The following CACNA1C variants were observed in gnomAD, a reference collection of about 807,000 sequenced individuals.
CACNA1C encodes calcium voltage-gated channel subunit alpha1 C.
In CACNA1C, 30 loss-of-function variants were observed where a neutral mutation model predicts 229.0. The ratio of observed to expected loss-of-function variants is 0.13; its 90% CI spans 0.10 to 0.18. CACNA1C has a LOEUF of 0.18. Ranked by LOEUF, CACNA1C falls within the 10% of genes least tolerant of loss-of-function variation. CACNA1C has a pLI of 1.00. For missense variants in CACNA1C, 1,658 were observed against 2,845.0 expected (o/e 0.58, Z 9.49); for synonymous variants, 1,114 against 1,132.5 (o/e 0.98, Z 0.33).
intron 7 of CACNA1C, among the ~76,000 whole-genome samples, chr12:2,501,081 T>C (rs1054691161): frequency 8.0e-4 from 118 of 147,834 alleles, no homozygotes; most frequent in Admixed American, 2.2e-3. Flanking sequence ...TGGTGGCGGG[T>C]GCCTGTAGTC....
At chr12:2,102,635 G>T (rs918524558) in intron 1 of CACNA1C, among the ~76,000 whole-genome samples, 3 of 152,064 alleles carry the variant, frequency 2.0e-5, no homozygotes, top group Non-Finnish European at 4.4e-5. Context: ...TGCAGAATGT[G>T]CTTGTTTGTT....
In CACNA1C at chr12:2,423,620, T is replaced by C. The variant is rs375822638; in HGVS notation, c.478-25356T>C. 2.6e-4 allele frequency among the ~76,000 whole-genome samples: 39 copies of C among 152,160 alleles called. 1 individual carries two copies. In the East Asian group the frequency reaches 4.1e-3, roughly 16 times the overall value. Reference sequence around the variant, plus strand: ...TGGTGGAGGTAGCAATTAACAGCAGTGGTAGTAGTATAGTAGTTACACCCA... The same window carrying C: ...TGGTGGAGGTAGCAATTAACAGCAGCGGTAGTAGTATAGTAGTTACACCCA... On this transcript the variant is annotated intron_variant, in intron 3 of 46. Coordinates refer to ENST00000399655, the MANE Select transcript of CACNA1C (RefSeq NM_000719.7).
At chr12:2,683,744 G>A (rs771234500) in intron 43 of CACNA1C, among the ~76,000 whole-genome samples, 4 of 152,312 alleles carry the variant, frequency 2.6e-5, no homozygotes, top group Admixed American at 6.5e-5. Context: ...TGAGCTGGAG[G>A]GCAGGCATGT....
intron 3 of CACNA1C, among the ~76,000 whole-genome samples, chr12:2,268,002 CT>C (rs756998820): frequency 3.9e-5 from 6 of 152,330 alleles, no homozygotes; most frequent in African/African-American, 9.6e-5. Flanking sequence ...GTTTTTCCCC[CT>C]GTTGTCATCT....
intron 3 of CACNA1C, among the ~76,000 whole-genome samples, chr12:2,235,473 G>A (rs1032228319): frequency 1.3e-5 from 2 of 152,122 alleles, no homozygotes; most frequent in South Asian, 2.1e-4. Context: ...GAAAATCATG[G>A]GTTAGATATT....
intron 3 of CACNA1C, among the ~76,000 whole-genome samples, chr12:2,377,801 C>T (rs956285322): frequency 5.3e-5 from 8 of 152,304 alleles, no homozygotes; most frequent in African/African-American, 1.9e-4. Context: ...AGTGAGTCCG[C>T]CTGGCTCCTG....
chr12:2,317,200 A>T (rs909480401), intron 3 of CACNA1C, among the ~76,000 whole-genome samples: 1 of 152,244 alleles, frequency 6.6e-6, no homozygotes, highest in Non-Finnish European at 1.5e-5. Context: ...TCAAAGAGAT[A>T]TTCGCACACC....
intron 3 of CACNA1C, among the ~76,000 whole-genome samples, chr12:2,325,810 C>T (rs2096264568): frequency 1.3e-5 from 2 of 152,244 alleles, no homozygotes. Flanking sequence ...CGTGAAGGGA[C>T]ACTCAGGCCA....
intron 30 of CACNA1C, among the ~76,000 whole-genome samples, chr12:2,635,858 G>C (rs575080404): frequency 6.6e-6 from 1 of 152,206 alleles, no homozygotes; most frequent in South Asian, 2.1e-4. Flanking sequence ...ATGTGTGCAT[G>C]TGTGTATGTG....
chr12:2,612,376 C>T, intron 29 of CACNA1C: 1 of 177,906 alleles, frequency 5.6e-6, no homozygotes, highest in Admixed American at 5.8e-5. Flanking sequence ...GACTGGCAGA[C>T]CAAACCTCTC....
intron 3 of CACNA1C, among the ~76,000 whole-genome samples, chr12:2,289,211 C>T (rs1191712222): frequency 2.0e-5 from 3 of 152,080 alleles, no homozygotes; most frequent in Admixed American, 6.5e-5. Context: ...GTATGAGAGT[C>T]GAGGCACATG....
intron 6 of CACNA1C, among the ~76,000 whole-genome samples, chr12:2,487,534 A>G (rs928876935): frequency 6.6e-6 from 1 of 150,750 alleles, no homozygotes; most frequent in African/African-American, 2.4e-5. Context: ...AAAACAAAAA[A>G]CCACACACAC....
At chr12:2,438,357 TAA>T (rs1555574649) in intron 3 of CACNA1C, among the ~76,000 whole-genome samples, 1 of 96,286 alleles carries the variant, frequency 1.0e-5, no homozygotes, top group Non-Finnish European at 2.2e-5. Flanking sequence ...ATGGTGGTGG[TAA>T]TGATGGTGGT....
In CACNA1C at chr12:2,056,598, A is replaced by C. The variant is rs78450812; in HGVS notation, c.49+2987A>C. Among the ~76,000 whole-genome samples, 640 of 152,352 alleles carry C rather than the reference A, an allele frequency of 4.2e-3. 5 individuals are homozygous for C. Among genetic ancestry groups the C allele is most frequent in the African/African-American group, 0.015 (609 of 41,588 alleles). On this transcript the variant is annotated intron_variant, in intron 1 of 46. Coordinates refer to ENST00000399655, the MANE Select transcript of CACNA1C (RefSeq NM_000719.7). ...GATTCAGCAGAATAAGAATCACTGT[A>C]ATAAGGTAATAATAATAATGATCAC...
At chr12:2,004,411 G>C (rs1252333790) in intron 1 of CACNA1C, 2 of 1,610,496 alleles carry the variant, frequency 1.2e-6, no homozygotes, top group Admixed American at 1.7e-5. Context: ...CCACCAGGCC[G>C]CCTGCCGCCA....
At chr12:2,509,974 C>T (rs1023238641) in intron 8 of CACNA1C, among the ~76,000 whole-genome samples, 4 of 152,156 alleles carry the variant, frequency 2.6e-5, no homozygotes, top group Admixed American at 6.5e-5. Flanking sequence ...TGGGTGGTAT[C>T]GATGATCAAA....
Position 2,333,378 on chromosome 12 carries a change from G to T in CACNA1C, c.478-115598G>T, listed in dbSNP as rs1239343769. ...CATGCCCATGGTGGGTGAACTGGGG[G>T]CGCTGGCCCCCACGCTGCCATCCTG... On this transcript the variant is annotated intron_variant, in intron 3 of 46. Coordinates refer to ENST00000399655, the MANE Select transcript of CACNA1C (RefSeq NM_000719.7). Among the ~76,000 whole-genome samples, 3 of 152,292 alleles carry T rather than the reference G, an allele frequency of 2.0e-5. No individual in the cohort carries two copies. In the East Asian group the frequency reaches 5.8e-4, roughly 29 times the overall value.
intron 3 of CACNA1C, among the ~76,000 whole-genome samples, chr12:2,430,344 C>T (rs976439581): frequency 2.0e-5 from 3 of 152,172 alleles, no homozygotes; most frequent in Non-Finnish European, 4.4e-5. Context: ...CATGAACTGG[C>T]AGGACAGGTG....
rs186090619 is a variant in CACNA1C, at chr12:2,339,074, G to A, written c.478-109902G>A. 5.5e-4 allele frequency among the ~76,000 whole-genome samples: 84 copies of A among 152,298 alleles called. No individual in the cohort carries two copies. In the East Asian group the frequency reaches 5.8e-3, roughly 10 times the overall value. On this transcript the variant is annotated intron_variant, in intron 3 of 46. Transcript: ENST00000399655. Reference sequence around the variant, plus strand: ...AATGGGGATACATTCTAAGAAATGCGTTGTTAGGTGATTTCATCATATGTG... The same window carrying A: ...AATGGGGATACATTCTAAGAAATGCATTGTTAGGTGATTTCATCATATGTG...
Sources: gnomAD v4.1 joint callset for allele counts (sites outside exome capture counted in the v4.1 genomes callset) on GRCh38, gnomAD v4.1.1 for gene constraint, MANE v1.5 for transcripts, NCBI Gene and HGNC (gene_info 2026-07-23, HGNC 2026-07-21) for gene names.